The following SPATA13 variants were observed in gnomAD, a reference collection of about 807,000 sequenced individuals.
SPATA13 encodes the protein spermatogenesis associated 13, also known as spermatogenesis-associated protein 13.
In SPATA13, 50 loss-of-function variants were observed where a neutral mutation model predicts 104.0. The observed-to-expected ratio is 0.48, with a 90% CI of 0.38 to 0.61. The LOEUF (loss-of-function observed/expected upper bound fraction) is 0.61. SPATA13 is among the 20% of genes least tolerant of loss of function. The pLI is 0.00. For synonymous variants in SPATA13, 606 were observed against 667.5 expected (o/e 0.91, Z 1.42); for missense variants, 1,524 against 1,690.6 (o/e 0.90, Z 1.73).
intron 3 of SPATA13, chr13:24,123,842 T>C (rs1033661993): frequency 7.9e-6 from 6 of 761,330 alleles, no homozygotes; most frequent in Admixed American, 6.0e-5. Context: ...TGAAGGCCCA[T>C]TGGGGAATAT....
At chr13:23,997,710 C>T (rs774013404) in intron 2 of SPATA13, among the ~76,000 whole-genome samples, 1 of 152,010 alleles carries the variant, frequency 6.6e-6, no homozygotes, top group Non-Finnish European at 1.5e-5. Flanking sequence ...GGGGAGCAGG[C>T]GTGTCACATG....
intron 2 of SPATA13, among the ~76,000 whole-genome samples, chr13:24,017,262 T>C (rs571171751): frequency 6.6e-6 from 1 of 152,334 alleles, no homozygotes; most frequent in South Asian, 2.1e-4. Context: ...AATTCTCTTA[T>C]CCTCATCCGA....
intron 3 of SPATA13, among the ~76,000 whole-genome samples, chr13:24,024,560 G>A (rs1170034105): frequency 6.6e-6 from 1 of 151,916 alleles, no homozygotes; most frequent in Non-Finnish European, 1.5e-5. Context: ...CCTGCTGGTG[G>A]CCACACAGCA....
intron 3 of SPATA13, among the ~76,000 whole-genome samples, chr13:24,018,426 T>A (rs1264055465): frequency 4.6e-5 from 7 of 152,344 alleles, no homozygotes; most frequent in Middle Eastern, 3.4e-3. Context: ...CTGAGGAAGG[T>A]CTTTTAGGTA....
chr13:24,047,104 T>C (rs1878178207), intron 3 of SPATA13, among the ~76,000 whole-genome samples: 1 of 152,192 alleles, frequency 6.6e-6, no homozygotes, highest in African/African-American at 2.4e-5. Flanking sequence ...CCTGGTGCAC[T>C]GAGTCCACCT....
intron 1 of SPATA13, among the ~76,000 whole-genome samples, chr13:23,980,538 A>T (rs1025171872): frequency 6.6e-6 from 1 of 152,100 alleles, no homozygotes; most frequent in African/African-American, 2.4e-5. Flanking sequence ...AAATATTTGG[A>T]TTGTGGTGTT....
intron 3 of SPATA13, among the ~76,000 whole-genome samples, chr13:24,107,754 T>C (rs1880500625): frequency 6.6e-6 from 1 of 152,218 alleles, no homozygotes; most frequent in African/African-American, 2.4e-5. Flanking sequence ...GAGCAGCCTC[T>C]TCTCCTCTTT....
At chr13:24,076,786 A>T (rs1187792949) in intron 3 of SPATA13, among the ~76,000 whole-genome samples, 1 of 151,774 alleles carries the variant, frequency 6.6e-6, no homozygotes, top group Non-Finnish European at 1.5e-5. Flanking sequence ...CCCCCAGAAA[A>T]GCAGGTGGAA....
At chr13:24,140,036 G>C (rs2031157) in intron 3 of SPATA13, among the ~76,000 whole-genome samples, 1 of 150,556 alleles carries the variant, frequency 6.6e-6, no homozygotes, top group African/African-American at 2.5e-5. Flanking sequence ...GCCACTGCAC[G>C]CCAGCCTGGG....
chr13:24,155,271 C>G (rs1199554875), intron 3 of SPATA13, among the ~76,000 whole-genome samples: 1 of 152,180 alleles, frequency 6.6e-6, no homozygotes, highest in African/African-American at 2.4e-5. Flanking sequence ...CTGTGGTGCT[C>G]CATCCCCAGT....
chr13:24,202,949 G>A (rs1870504194), intron 1 of SPATA13, among the ~76,000 whole-genome samples: 2 of 151,774 alleles, frequency 1.3e-5, no homozygotes, highest in Non-Finnish European at 2.9e-5. Context: ...GTAATTCCTG[G>A]AATTATGGTG....
At chr13:24,187,455 C>G (rs116476058) in intron 1 of SPATA13, among the ~76,000 whole-genome samples, 1 of 152,092 alleles carries the variant, frequency 6.6e-6, no homozygotes, top group Admixed American at 6.6e-5. Flanking sequence ...GACCGGCTTA[C>G]GTTTTATTCT....
chr13:24,288,342 A>T (rs1029825088), intron 7 of SPATA13, among the ~76,000 whole-genome samples: 3 of 152,150 alleles, frequency 2.0e-5, no homozygotes, highest in African/African-American at 7.2e-5. Context: ...AGTCATTGGT[A>T]TGTGTTTTAC....
At chr13:24,153,312 G>T (rs1882160305) in intron 3 of SPATA13, among the ~76,000 whole-genome samples, 1 of 152,200 alleles carries the variant, frequency 6.6e-6, no homozygotes, top group Non-Finnish European at 1.5e-5. Flanking sequence ...TCTTTGGGCT[G>T]TGTGGCCCAC....
At chr13:24,084,603 T>C (rs374430717) in intron 3 of SPATA13, among the ~76,000 whole-genome samples, 44 of 152,322 alleles carry the variant, frequency 2.9e-4, no homozygotes, top group African/African-American at 1.1e-3. Flanking sequence ...GACTGCTCAG[T>C]TCTGTCCTGA....
At chr13:24,265,061 G>A (rs1874232829) in intron 4 of SPATA13, among the ~76,000 whole-genome samples, 1 of 152,218 alleles carries the variant, frequency 6.6e-6, no homozygotes, top group African/African-American at 2.4e-5. Flanking sequence ...GGCATGAAGA[G>A]AGGCACTTTT....
chr13:24,198,498 C>T (rs1166902423), intron 1 of SPATA13, among the ~76,000 whole-genome samples: 2 of 152,132 alleles, frequency 1.3e-5, no homozygotes, highest in African/African-American at 4.8e-5. Context: ...ATCCTTCAGA[C>T]GCAGTTAATA....
At chr13:24,152,080 T>C (rs1355108917) in intron 3 of SPATA13, among the ~76,000 whole-genome samples, 1 of 152,176 alleles carries the variant, frequency 6.6e-6, no homozygotes, top group East Asian at 1.9e-4. Context: ...CTTAGTCTGT[T>C]CAGGCTGCTG....
At chr13:24,204,437 G>A (rs2138577253) in intron 1 of SPATA13, among the ~76,000 whole-genome samples, 1 of 152,140 alleles carries the variant, frequency 6.6e-6, no homozygotes, top group African/African-American at 2.4e-5. Context: ...AGTAAAATAG[G>A]TATAACGTAA....
Sources: gnomAD v4.1 joint callset for allele counts (sites outside exome capture counted in the v4.1 genomes callset) on GRCh38, gnomAD v4.1.1 for gene constraint, MANE v1.5 for transcripts, NCBI Gene and HGNC (gene_info 2026-07-23, HGNC 2026-07-21) for gene names.